Variants in NRG2 observed in about 807,000 individuals in gnomAD.
NRG2 encodes neuregulin 2, also known as pro-neuregulin-2, membrane-bound isoform.
NRG2 carries 27 observed loss-of-function variants against 73.9 expected under a neutral mutation model. The ratio of observed to expected loss-of-function variants is 0.37; its 90% CI spans 0.27 to 0.50. The LOEUF is 0.50. NRG2 is among the 20% of genes least tolerant of loss of function. The pLI is 0.96. For missense variants in NRG2, 1,126 were observed against 1,210.1 expected, an observed-to-expected ratio of 0.93 and a Z score of 1.03; for synonymous variants, 532 against 541.0, an observed-to-expected ratio of 0.98 and a Z score of 0.23.
chr5:140,040,088 C>T (rs1761802068), intron 1 of NRG2, among the ~76,000 whole-genome samples: 1 of 152,268 alleles, frequency 6.6e-6, no homozygotes, highest in East Asian at 1.9e-4. Context: ...AGTTTATGCT[C>T]TTCTGTTATA....
intron 3 of NRG2, among the ~76,000 whole-genome samples, chr5:139,876,855 C>A (rs964210152): frequency 5.9e-5 from 9 of 151,924 alleles, no homozygotes; most frequent in African/African-American, 1.7e-4. Context: ...AAGACTGCGA[C>A]TTCCCAGAGC....
Position 140,037,907 on chromosome 5 carries a change from C to CAAAAAAA in NRG2, c.700+4456_700+4462dup, listed in dbSNP as rs748112690. 5.1e-3 allele frequency among the ~76,000 whole-genome samples: 302 copies of CAAAAAAA among 58,884 alleles called. 7 individuals carry two copies. The highest frequency in any genetic ancestry group is 6.9e-3 in the South Asian group (10 of 1,454). 38.6% of individuals were successfully genotyped at this position (58,884 alleles called of 152,430 possible). ...TGGGCGACAGAGCAAGACTCCATCT[C>CAAAAAAA]AAAAAAAAAAAAAAAAAAAAGACTG... On this transcript the variant is annotated intron_variant, in intron 1 of 9. Transcript: ENST00000361474.
intron 2 of NRG2, among the ~76,000 whole-genome samples, chr5:139,883,130 C>G (rs1763639686): frequency 6.6e-6 from 1 of 152,140 alleles, no homozygotes; most frequent in Admixed American, 6.5e-5. Context: ...CCTGAGGATC[C>G]AGGACTCTCC....
chr5:140,019,690 T>A (rs1760070880), intron 1 of NRG2: 1 of 152,234 alleles, frequency 6.6e-6, no homozygotes. Context: ...CCTCAGGTTC[T>A]TAGATGCAAA....
intron 1 of NRG2, among the ~76,000 whole-genome samples, chr5:139,935,958 TA>T (rs554574182): frequency 0.027 from 3,344 of 122,180 alleles, 131 homozygotes; most frequent in African/African-American, 0.087. Flanking sequence ...GACTCTGTCT[TA>T]AAAAAAAAAA....
At position 139,847,674 on chromosome 5, in the gene NRG2, T is replaced by C. The variant is rs1032352419; in HGVS notation, c.*243A>G. The C allele has an allele frequency of 2.6e-5, 9 of 346,610 alleles. 1 individual carries two copies. Among genetic ancestry groups the C allele is most frequent in the African/African-American group, 1.5e-4 (7 of 47,134 alleles). 21.5% of individuals were successfully genotyped at this position (346,610 alleles called of 1,614,324 possible). ...TTTTTTTTGTTGTTTCTTTTTTTTTTCCGAAGCTGTAAATCAGGATGTTAC... is the reference window on the plus strand; with the variant it reads ...TTTTTTTTGTTGTTTCTTTTTTTTTCCCGAAGCTGTAAATCAGGATGTTAC... On this transcript the variant is annotated 3_prime_UTR_variant, in exon 10 of 10. Coordinates refer to ENST00000361474, the MANE Select transcript of NRG2 (RefSeq NM_004883.3).
intron 1 of NRG2, among the ~76,000 whole-genome samples, chr5:139,995,874 T>C (rs886173096): frequency 2.6e-5 from 4 of 152,068 alleles, no homozygotes; most frequent in African/African-American, 9.7e-5. Context: ...AAATTAGCCA[T>C]GCATGGTGGC....
chr5:140,000,850 G>A (rs1758411949), intron 1 of NRG2, among the ~76,000 whole-genome samples: 1 of 152,188 alleles, frequency 6.6e-6, no homozygotes, highest in South Asian at 2.1e-4. Flanking sequence ...ATCCATCTCT[G>A]TCAACGTCAG....
intron 1 of NRG2, among the ~76,000 whole-genome samples, chr5:139,896,032 G>C (rs1383241839): frequency 6.6e-6 from 1 of 152,180 alleles, no homozygotes; most frequent in African/African-American, 2.4e-5. Context: ...CCTTGGCCTG[G>C]CTGGAGAAAG....
chr5:139,930,760 CCA>C (rs1417615703), intron 1 of NRG2, among the ~76,000 whole-genome samples: 1 of 152,178 alleles, frequency 6.6e-6, no homozygotes, highest in Non-Finnish European at 1.5e-5. Flanking sequence ...GTGCAGCAGC[CCA>C]TGGGTGGATC....
chr5:139,981,649 C>T (rs1352842933), intron 1 of NRG2, among the ~76,000 whole-genome samples: 1 of 152,216 alleles, frequency 6.6e-6, no homozygotes, highest in Admixed American at 6.5e-5. Context: ...CCCAGAACTC[C>T]TAGAACTCCA....
chr5:139,892,807 T>C (rs1451374300), intron 1 of NRG2, among the ~76,000 whole-genome samples: 1 of 152,194 alleles, frequency 6.6e-6, no homozygotes, highest in Non-Finnish European at 1.5e-5. Context: ...TCCCTACCGC[T>C]GCTCCTTCCC....
At chr5:139,890,444 T>C (rs997876767) in intron 1 of NRG2, among the ~76,000 whole-genome samples, 6 of 149,712 alleles carry the variant, frequency 4.0e-5, no homozygotes, top group Non-Finnish European at 5.9e-5. Context: ...TCTTCGTCTT[T>C]TTCTTTTCTT....
chr5:139,866,145 A>G (rs1000647484), intron 4 of NRG2, among the ~76,000 whole-genome samples: 1 of 152,198 alleles, frequency 6.6e-6, no homozygotes, highest in African/African-American at 2.4e-5. Context: ...TGCTGTTCCC[A>G]GACTGTGTAT....
intron 1 of NRG2, among the ~76,000 whole-genome samples, chr5:140,036,660 G>A (rs1483778684): frequency 6.6e-6 from 1 of 152,150 alleles, no homozygotes; most frequent in Non-Finnish European, 1.5e-5. Flanking sequence ...GTAAGTGGGA[G>A]GAGAGGGTTA....
chr5:139,994,428 G>T (rs982925705), intron 1 of NRG2, among the ~76,000 whole-genome samples: 5 of 152,220 alleles, frequency 3.3e-5, no homozygotes, highest in African/African-American at 1.2e-4. Flanking sequence ...GTGAAGGCTA[G>T]TGGAATTAAA....
chr5:139,853,151 C>T lies in NRG2; in HGVS notation c.1293-124G>A. On this transcript the variant is annotated intron_variant, in intron 6 of 9. Coordinates refer to ENST00000361474, the MANE Select transcript of NRG2 (RefSeq NM_004883.3). The surrounding 1 kb of genome is among the most constrained non-coding windows in gnomAD (Gnocchi z 4.1). ...CAGGGTGGCCATGGCTACTGCTCGT[C>T]CCTGTACTCAAGCTGCCCTACAGCA... 5 of 1,327,970 alleles carry T rather than the reference C, an allele frequency of 3.8e-6. No individual in the cohort carries two copies. Among genetic ancestry groups the T allele is most frequent in the Admixed American group, 2.1e-5 (1 of 47,338 alleles). 82.3% of individuals were successfully genotyped at this position (1,327,970 alleles called of 1,614,324 possible).
Position 140,029,687 on chromosome 5 carries a change from C to CAAAAAAAAAAAAAAAAAAAAAAAAA in NRG2, c.700+12682_700+12683insTTTTTTTTTTTTTTTTTTTTTTTTT, listed in dbSNP as rs34122778. ...TGGGTGACAGAGCAAGACTCTGTCT[C>CAAAAAAAAAAAAAAAAAAAAAAAAA]AAAAAAAAAAAAAAAAGCTCCAGCG... On this transcript the variant is annotated intron_variant, in intron 1 of 9. Coordinates refer to ENST00000361474, the MANE Select transcript of NRG2 (RefSeq NM_004883.3). Among the ~76,000 whole-genome samples, 63 of 61,236 alleles carry CAAAAAAAAAAAAAAAAAAAAAAAAA rather than the reference C, an allele frequency of 1.0e-3. 2 individuals are homozygous for CAAAAAAAAAAAAAAAAAAAAAAAAA. Among genetic ancestry groups the CAAAAAAAAAAAAAAAAAAAAAAAAA allele is most frequent in the Non-Finnish European group, 1.5e-3 (43 of 27,918 alleles). 40.2% of individuals were successfully genotyped at this position (61,236 alleles called of 152,430 possible).
intron 1 of NRG2, among the ~76,000 whole-genome samples, chr5:139,982,736 T>C (rs264350): frequency 0.34 from 51,717 of 152,058 alleles, 9,575 homozygotes; most frequent in African/African-American, 0.49. Flanking sequence ...TGTTATCCTC[T>C]TCCCATTCCC....
Sources: gnomAD v4.1 joint callset for allele counts (sites outside exome capture counted in the v4.1 genomes callset) on GRCh38, gnomAD v4.1.1 for gene constraint, Gnocchi (gnomAD v3.1) non-coding constraint, MANE v1.5 for transcripts, NCBI Gene and HGNC (gene_info 2026-07-23, HGNC 2026-07-21) for gene names.